EPG5: variants seen among roughly 807,000 people sequenced by gnomAD.
EPG5 encodes the protein ectopic P-granules 5 autophagy tethering factor, also known as ectopic P granules protein 5 homolog.
Under a neutral mutation model 302.7 loss-of-function variants are expected in EPG5, and 159 were observed. The observed-to-expected ratio is 0.53, with a 90% CI of 0.46 to 0.60. The LOEUF is 0.60. Among genes scored for constraint, EPG5 ranks in the 20% least tolerant of loss-of-function variants. The pLI is 0.00. For synonymous variants in EPG5, 1,158 were observed against 1,136.8 expected (o/e 1.02, Z -0.37); for missense variants, 2,896 against 3,092.4 (o/e 0.94, Z 1.51).
intron 1 of EPG5, among the ~76,000 whole-genome samples, chr18:45,959,007 C>T (rs2051089743): frequency 1.3e-5 from 2 of 149,374 alleles, no homozygotes; most frequent in African/African-American, 5.2e-5. Context: ...CCCAACCCAC[C>T]AAGTTATCCT....
At chr18:45,897,093 G>T (rs1280565441) in intron 27 of EPG5, among the ~76,000 whole-genome samples, 1 of 152,114 alleles carries the variant, frequency 6.6e-6, no homozygotes, top group Non-Finnish European at 1.5e-5. Context: ...CCCTTTTTCT[G>T]TAAAGGAAAA....
chr18:45,922,213 G>T, intron 16 of EPG5, 128 bp downstream of exon 16: 2 of 1,160,864 alleles, frequency 1.7e-6, no homozygotes, highest in Non-Finnish European at 2.4e-6. Flanking sequence ...GTTAATCAAG[G>T]ATTATTATTT....
chr18:45,967,306 G>C lies in EPG5; in HGVS notation c.-67C>G. On this transcript the variant is annotated 5_prime_UTR_variant, in exon 1 of 44. Coordinates refer to ENST00000282041, the MANE Select transcript of EPG5 (RefSeq NM_020964.3). The stretch of plus-strand genomic sequence containing the variant: ...CCCTGCGCTTCAAGCAACCTGCCCG[G>C]TTCTGGCCTCCGGACTGTCACATGA... 4 of 1,436,878 alleles carry C rather than the reference G, an allele frequency of 2.8e-6. No individual in the cohort carries two copies. The highest frequency in any genetic ancestry group is 2.6e-5 in the East Asian group (1 of 38,818). 89.0% of individuals were successfully genotyped at this position (1,436,878 alleles called of 1,614,324 possible).
intron 13 of EPG5, among the ~76,000 whole-genome samples, chr18:45,927,182 G>A (rs558460460): frequency 2.8e-4 from 42 of 151,822 alleles, no homozygotes; most frequent in African/African-American, 7.5e-4. Flanking sequence ...ACAGGTGCCC[G>A]CCACCACACC....
the EPG5 span, among the ~76,000 whole-genome samples, chr18:45,824,408 G>A: frequency 3.3e-5 from 5 of 152,066 alleles, no homozygotes; most frequent in African/African-American, 2.4e-5. Context: ...GTGTTTCACC[G>A]TGTTAGCCAA....
At chr18:45,916,677 T>A in intron 17 of EPG5, 95 bp from the exon 18 acceptor site, 1 of 1,343,968 alleles carries the variant, frequency 7.4e-7, no homozygotes, top group Non-Finnish European at 9.9e-7. Context: ...ATTCCTAAAT[T>A]GGTCCCATTT....
At chr18:45,856,032 A>G (rs1444610894) in intron 42 of EPG5, among the ~76,000 whole-genome samples, 3 of 152,258 alleles carry the variant, frequency 2.0e-5, no homozygotes, top group Admixed American at 6.5e-5. Context: ...CATAGGACCC[A>G]GCAATTCTGC....
intron 7 of EPG5, 62 bp downstream of exon 7, chr18:45,946,601 T>C (rs1294973682): frequency 2.4e-6 from 3 of 1,259,628 alleles, no homozygotes; most frequent in Non-Finnish European, 3.5e-6. Flanking sequence ...CTTAGAACAA[T>C]ACTTGGTGCA....
At position 45,916,080 on chromosome 18, in the gene EPG5, G is replaced by T. The variant is rs774835244; in HGVS notation, c.3511C>A (p.His1171Asn). ...AGCTGAAAAGCTGCTTTACACAAGT[G>T]GTCCATGAGGAAGAGGATAGGTTGT... ...REQPILFLMD[H>N]LCKAAFQLMQ... The change falls in exon 19 of 44, where the codon CAC (histidine) becomes AAC (asparagine). Residue 1171 changes from histidine (H) to asparagine (N), a missense_variant. By Grantham distance (68) the His-to-Asn change is moderately conservative. Transcript: ENST00000282041. 5 of 1,614,052 alleles carry T rather than the reference G, an allele frequency of 3.1e-6. No homozygotes were observed. Among genetic ancestry groups the T allele is most frequent in the South Asian group, 2.2e-5 (2 of 91,068 alleles).
At chr18:45,870,213 C>T (rs1376712811) in intron 36 of EPG5, among the ~76,000 whole-genome samples, 5 of 152,230 alleles carry the variant, frequency 3.3e-5, no homozygotes, top group South Asian at 4.2e-4. Context: ...GGACATTTAA[C>T]GATAAGCAGT....
the EPG5 span, chr18:45,837,862 C>G: frequency 1.0e-5 from 16 of 1,534,332 alleles, no homozygotes; most frequent in Non-Finnish European, 1.1e-5. Context: ...ATGACCGCTA[C>G]GAGAGCCGCC....
At chr18:45,906,825 T>C (rs979969526) in intron 24 of EPG5, among the ~76,000 whole-genome samples, 7 of 152,104 alleles carry the variant, frequency 4.6e-5, no homozygotes, top group African/African-American at 1.7e-4. Context: ...CGGCTAATTT[T>C]TGTATTTTTT....
At chr18:45,867,848 T>C (rs898380265) in intron 36 of EPG5, 100 bp from the exon 37 acceptor site, 46 of 1,038,240 alleles carry the variant, frequency 4.4e-5, no homozygotes, top group Admixed American at 7.5e-5. Context: ...TAAAAAACAC[T>C]TTTTCCCCAG....
At chr18:45,912,599 T>A in intron 21 of EPG5, 143 bp from the exon 22 acceptor site, 1 of 870,686 alleles carries the variant, frequency 1.1e-6, no homozygotes, top group Non-Finnish European at 1.7e-6. Context: ...TAAAACTCAC[T>A]TCTCCAATCC....
the EPG5 span, among the ~76,000 whole-genome samples, chr18:45,827,962 C>T: frequency 4.6e-5 from 7 of 152,328 alleles, no homozygotes; most frequent in East Asian, 7.7e-4. Context: ...TCGCGTGAGC[C>T]GACTCAGCTG....
chr18:45,902,059 C>T (rs2049631781), intron 25 of EPG5, among the ~76,000 whole-genome samples: 1 of 152,136 alleles, frequency 6.6e-6, no homozygotes, highest in Non-Finnish European at 1.5e-5. Flanking sequence ...AGGCAGTGGT[C>T]AAGGGAATTT....
At chr18:45,832,394 C>T in the EPG5 span, among the ~76,000 whole-genome samples, 4 of 125,322 alleles carry the variant, frequency 3.2e-5, no homozygotes, top group African/African-American at 6.1e-5. Context: ...GAGCCTAGGA[C>T]GTGCCAGGCA....
the EPG5 span, chr18:45,838,020 C>T: frequency 8.1e-7 from 1 of 1,238,688 alleles, no homozygotes; most frequent in East Asian, 3.1e-5. Flanking sequence ...CCAGCCCTCT[C>T]CTCTACCCCA....
At chr18:45,925,628 T>G (rs193218774) in intron 14 of EPG5, 110 bp downstream of exon 14, 1 of 801,486 alleles carries the variant, frequency 1.2e-6, no homozygotes, top group South Asian at 4.0e-5. Flanking sequence ...TACAAAGAAT[T>G]TGTAGACCTT....
Sources: gnomAD v4.1 joint callset for allele counts (sites outside exome capture counted in the v4.1 genomes callset) on GRCh38, gnomAD v4.1.1 for gene constraint, MANE v1.5 for transcripts, NCBI Gene and HGNC (gene_info 2026-07-23, HGNC 2026-07-21) for gene names.